The following STAT3 variants were observed in gnomAD, a reference collection of about 807,000 sequenced individuals.
The protein encoded by STAT3 is DNA-binding protein APRF.
STAT3 carries 7 observed loss-of-function variants against 114.3 expected under a neutral mutation model. That is an observed-to-expected ratio of 0.06 (90% CI 0.03 to 0.11). The LOEUF (loss-of-function observed/expected upper bound fraction) is 0.11. STAT3 is among the 10% of genes least tolerant of loss of function. The pLI is 1.00. For missense variants in STAT3, 364 were observed against 960.9 expected, an observed-to-expected ratio of 0.38 and a Z score of 8.21; for synonymous variants, 331 against 354.5, an observed-to-expected ratio of 0.93 and a Z score of 0.74.
intron 1 of STAT3, among the ~76,000 whole-genome samples, chr17:42,360,059 CAAAAAAAA>C (rs71157617): frequency 1.5e-4 from 7 of 47,486 alleles, no homozygotes; most frequent in African/African-American, 5.5e-4. Flanking sequence ...GACTCCGTCT[CAAAAAAAA>C]AAAAAAAAAA....
rs2081621962 is a variant in STAT3 at position 42,324,590 on chromosome 17, G to A, written c.1600+121C>T. The A allele has an allele frequency of 9.3e-6, 13 of 1,396,894 alleles. No individual in the cohort carries two copies. The highest frequency in any genetic ancestry group is 2.5e-4 in the Middle Eastern group (1 of 4,048). 86.5% of individuals were successfully genotyped at this position (1,396,894 alleles called of 1,614,324 possible). ...CCCTGTTTCCTGGCACCAGCACAGC[G>A]CCTTGCTCAGGAAAGAAACATGGCC... On this transcript the variant is annotated intron_variant, in intron 17 of 23. Coordinates refer to ENST00000264657, the MANE Select transcript of STAT3 (RefSeq NM_139276.3). This position sits in a 1 kb window ranked among gnomAD's most constrained non-coding sequence, Gnocchi z 4.5.
chr17:42,315,337 T>G lies in STAT3; in HGVS notation c.*408A>C. On this transcript the variant is annotated 3_prime_UTR_variant, in exon 24 of 24. Transcript: ENST00000264657. ...GTAGCTATAGGTGGCCTGTGGCATT[T>G]GCTTACAGAAACAGGCAGAAGGATG... 2 of 408,844 alleles carry G rather than the reference T, an allele frequency of 4.9e-6. No homozygotes were observed. Among genetic ancestry groups the G allele is most frequent in the South Asian group, 5.2e-5 (2 of 38,554 alleles). The allele number at this position is 408,844 out of a possible 1,614,324, so 25.3% of individuals were successfully genotyped here. A position where few individuals can be genotyped will look rare whatever the true frequency, so the allele number is the denominator to read the frequency against.
In STAT3 at chr17:42,337,455, G is replaced by A; in HGVS notation, c.777C>T (p.Cys259=). ...IACIGGPPNI[C]LDRLENWITS... ...TTTACCAGTTTTCTAGCCGATCTAG[G>A]CAGATGTTGGGCGGGCCTCCAATGC... The change falls in exon 8 of 24, where the codon TGC becomes TGT. Residue 259 remains cysteine (C), a synonymous_variant. Transcript: ENST00000264657. The surrounding 1 kb of genome is among the most constrained non-coding windows in gnomAD (Gnocchi z 4.0). The A allele has an allele frequency of 1.2e-6, 2 of 1,614,126 alleles. No homozygotes were observed. The highest frequency in any genetic ancestry group is 1.7e-6 in the Non-Finnish European group (2 of 1,180,024).
At chr17:42,362,183 A>G (rs744166) in intron 1 of STAT3, among the ~76,000 whole-genome samples, 72,637 of 152,062 alleles carry the variant, frequency 0.48, 18,762 homozygotes, top group African/African-American at 0.68. Flanking sequence ...ATTACTGTCA[A>G]GCTCGATTCC....
intron 1 of STAT3, among the ~76,000 whole-genome samples, chr17:42,352,012 G>A (rs2082987828): frequency 6.6e-6 from 1 of 151,816 alleles, no homozygotes; most frequent in South Asian, 2.1e-4. Context: ...GACCAGTCTG[G>A]CCAACACAGT....
In STAT3 at chr17:42,328,185, T is replaced by C. The variant is rs768276215; in HGVS notation, c.1281+1225A>G. 1.9e-3 allele frequency among the ~76,000 whole-genome samples: 284 copies of C among 152,266 alleles called. 1 individual carries two copies. Among genetic ancestry groups the C allele is most frequent in the Non-Finnish European group, 1.7e-3 (116 of 68,012 alleles). On this transcript the variant is annotated intron_variant, in intron 14 of 23. Transcript: ENST00000264657. Reference sequence around the variant, plus strand: ...ATACCAACAGCAGCACTAATACACATAGCACTGCTGGTATATTCCTCCAGA... The same window carrying C: ...ATACCAACAGCAGCACTAATACACACAGCACTGCTGGTATATTCCTCCAGA...
chr17:42,359,579 A>G (rs1298572468), intron 1 of STAT3, among the ~76,000 whole-genome samples: 2 of 152,134 alleles, frequency 1.3e-5, no homozygotes, highest in South Asian at 4.1e-4. Context: ...AAAAATAAGA[A>G]CCTTGGTTAA....
chr17:42,345,534 G>A, intron 4 of STAT3, 25 bp downstream of exon 4: 2 of 1,574,264 alleles, frequency 1.3e-6, no homozygotes, highest in East Asian at 4.6e-5. Context: ...CCCAGACCAG[G>A]GATTTGTTTT....
chr17:42,380,479 G>T (rs2084722778), intron 1 of STAT3, among the ~76,000 whole-genome samples: 1 of 150,342 alleles, frequency 6.7e-6, no homozygotes, highest in African/African-American at 2.5e-5. Flanking sequence ...CCGCCTCCCG[G>T]GTTCAAGCGA....
In STAT3 at chr17:42,337,304, T is replaced by G. The variant is rs2082269218; in HGVS notation, c.797+131A>C. On this transcript the variant is annotated intron_variant, in intron 8 of 23. Coordinates refer to ENST00000264657, the MANE Select transcript of STAT3 (RefSeq NM_139276.3). This position sits in a 1 kb window ranked among gnomAD's most constrained non-coding sequence, Gnocchi z 4.0. Reference sequence around the variant, plus strand: ...GCCGAAATAAAGTAAAAACTTTAATTCTTGGGCTAAATTTGAATATGGAAA... The same window carrying G: ...GCCGAAATAAAGTAAAAACTTTAATGCTTGGGCTAAATTTGAATATGGAAA... 1 of 1,372,820 alleles carries G rather than the reference T, an allele frequency of 7.3e-7. No individual in the cohort carries two copies. The highest frequency in any genetic ancestry group is 1.5e-5 in the African/African-American group (1 of 68,856). The allele number at this position is 1,372,820 out of a possible 1,614,324, so 85.0% of individuals were successfully genotyped here. A position where few individuals can be genotyped will look rare whatever the true frequency, so the allele number is the denominator to read the frequency against.
At chr17:42,329,905 T>C (rs2144779882) in intron 11 of STAT3, 129 bp from the exon 12 acceptor site, 1 of 1,078,510 alleles carries the variant, frequency 9.3e-7, no homozygotes, top group Non-Finnish European at 1.4e-6. Flanking sequence ...AACTATTCAG[T>C]TACAGTTGAT....
At chr17:42,377,983 ATTT>A (rs11378560) in intron 1 of STAT3, among the ~76,000 whole-genome samples, 4 of 127,694 alleles carry the variant, frequency 3.1e-5, no homozygotes, top group Non-Finnish European at 4.8e-5. Flanking sequence ...CAGAAACAGG[ATTT>A]TTTTTTTTTT....
chr17:42,383,366 C>CT (rs11408950), intron 1 of STAT3, among the ~76,000 whole-genome samples: 46,201 of 143,794 alleles, frequency 0.32, 7,352 homozygotes, highest in South Asian at 0.43. Flanking sequence ...CTGTTTTTGC[C>CT]TTTTTTTTTT....
chr17:42,338,925 C>T, intron 5 of STAT3, 113 bp from the exon 6 acceptor site: 1 of 933,358 alleles, frequency 1.1e-6, no homozygotes, highest in Non-Finnish European at 1.7e-6. Context: ...AAAAAAGATA[C>T]ATGCAGGACC....
intron 1 of STAT3, among the ~76,000 whole-genome samples, chr17:42,352,056 G>T (rs929457270): frequency 2.0e-5 from 3 of 151,948 alleles, no homozygotes; most frequent in Non-Finnish European, 2.9e-5. Flanking sequence ...ATTTAAAAAT[G>T]TAGGCTGGGC....
intron 8 of STAT3, among the ~76,000 whole-genome samples, chr17:42,335,900 A>G (rs1187382963): frequency 6.6e-6 from 1 of 152,114 alleles, no homozygotes; most frequent in Non-Finnish European, 1.5e-5. Flanking sequence ...GCATCATTCC[A>G]TCATTCTTTG....
At chr17:42,318,320 T>C (rs1319828103) in intron 21 of STAT3, among the ~76,000 whole-genome samples, 1 of 151,982 alleles carries the variant, frequency 6.6e-6, no homozygotes, top group East Asian at 1.9e-4. Flanking sequence ...AGAGATGAGG[T>C]TTCACCATGT....
In STAT3 at chr17:42,333,022, C is replaced by T. The variant is rs2082088576; in HGVS notation, c.1049+651G>A. On this transcript the variant is annotated intron_variant, in intron 10 of 23. Coordinates refer to ENST00000264657, the MANE Select transcript of STAT3 (RefSeq NM_139276.3). The surrounding 1 kb of genome is among the most constrained non-coding windows in gnomAD (Gnocchi z 5.2). Reference sequence around the variant, plus strand: ...TCAAACAAAAACAAAAGATGAGTATCACTCCTTCAAGCCAAAGGTACTGAG... The same window carrying T: ...TCAAACAAAAACAAAAGATGAGTATTACTCCTTCAAGCCAAAGGTACTGAG... 6.6e-6 allele frequency among the ~76,000 whole-genome samples: 1 copy of T among 152,104 alleles called. No homozygotes were observed. The highest frequency in any genetic ancestry group is 1.5e-5 in the Non-Finnish European group (1 of 68,000).
At chr17:42,330,965 C>T (rs2081988571) in intron 11 of STAT3, among the ~76,000 whole-genome samples, 1 of 152,174 alleles carries the variant, frequency 6.6e-6, no homozygotes, top group Non-Finnish European at 1.5e-5. Context: ...ATTCCTACTT[C>T]ATTGAGATGT....
Sources: gnomAD v4.1 joint callset for allele counts (sites outside exome capture counted in the v4.1 genomes callset) on GRCh38, gnomAD v4.1.1 for gene constraint, Gnocchi (gnomAD v3.1) non-coding constraint, MANE v1.5 for transcripts, NCBI Gene and HGNC (gene_info 2026-07-23, HGNC 2026-07-21) for gene names.